Variants in ADAMTSL3 observed in about 807,000 individuals in gnomAD.
ADAMTSL3 encodes ADAMTS-like protein 3.
ADAMTSL3 carries 128 observed loss-of-function variants against 201.7 expected under a neutral mutation model. The observed-to-expected ratio is 0.63, with a 90% CI of 0.55 to 0.73. ADAMTSL3 has a LOEUF of 0.73. Among genes scored for constraint, ADAMTSL3 ranks in the 30% least tolerant of loss-of-function variants. ADAMTSL3 has a pLI of 0.00. For synonymous variants in ADAMTSL3, 738 were observed against 748.4 expected (o/e 0.99, Z 0.23); for missense variants, 1,990 against 2,119.6 (o/e 0.94, Z 1.20).
chr15:83,802,462 T>C (rs1246201023), intron 4 of ADAMTSL3, among the ~76,000 whole-genome samples: 3 of 152,162 alleles, frequency 2.0e-5, no homozygotes, highest in African/African-American at 7.2e-5. Flanking sequence ...AATATCTAGC[T>C]GGTGAATGAA....
At chr15:83,921,197 A>G (rs980861618) in intron 16 of ADAMTSL3, among the ~76,000 whole-genome samples, 7 of 152,158 alleles carry the variant, frequency 4.6e-5, no homozygotes, top group African/African-American at 1.7e-4. Flanking sequence ...TCAATTGTTT[A>G]TTATTCACTT....
chr15:83,693,604 A>T (rs2061641569), intron 2 of ADAMTSL3, among the ~76,000 whole-genome samples: 1 of 152,172 alleles, frequency 6.6e-6, no homozygotes, highest in Non-Finnish European at 1.5e-5. Context: ...TTCTTTAAGG[A>T]ACCTAGACCT....
chr15:83,867,481 T>G (rs2065001590), intron 8 of ADAMTSL3, among the ~76,000 whole-genome samples: 1 of 152,188 alleles, frequency 6.6e-6, no homozygotes, highest in African/African-American at 2.4e-5. Flanking sequence ...AGCAGTAAAC[T>G]TAAGAAGCCA....
chr15:83,673,735 A>G (rs1395057805), intron 2 of ADAMTSL3, among the ~76,000 whole-genome samples: 1 of 152,232 alleles, frequency 6.6e-6, no homozygotes. Flanking sequence ...TCTGTTTTGT[A>G]ACATAGGATT....
At chr15:83,844,763 A>C (rs1296793935) in intron 7 of ADAMTSL3, among the ~76,000 whole-genome samples, 1 of 152,192 alleles carries the variant, frequency 6.6e-6, no homozygotes, top group East Asian at 1.9e-4. Context: ...GGCCCTGTGC[A>C]TGAAGAGAGA....
intron 3 of ADAMTSL3, among the ~76,000 whole-genome samples, chr15:83,720,701 C>G (rs541664039): frequency 6.6e-6 from 1 of 152,336 alleles, no homozygotes; most frequent in East Asian, 1.9e-4. Context: ...GTATGCCCTG[C>G]TGTTGGCAGT....
rs1596230613 is a variant in ADAMTSL3 at position 83,799,049 on chromosome 15, G to A, written c.318-5601G>A. Among the ~76,000 whole-genome samples, 4 of 152,080 alleles carry A rather than the reference G, an allele frequency of 2.6e-5. No homozygotes were observed. The South Asian group carries it at 8.3e-4, about 31-fold the overall frequency. On this transcript the variant is annotated intron_variant, in intron 4 of 29. Transcript: ENST00000286744. ...CACTGTCATTTTGGAAGTACTCTGA[G>A]ATTTTTAAGAAGGAAACCTACTTCC...
At chr15:83,832,380 A>G (rs1164514510) in intron 6 of ADAMTSL3, among the ~76,000 whole-genome samples, 1 of 152,174 alleles carries the variant, frequency 6.6e-6, no homozygotes, top group East Asian at 1.9e-4. Flanking sequence ...TGCATTTTAA[A>G]TGAGTGCTTC....
At chr15:83,810,548 C>T (rs945627188) in intron 5 of ADAMTSL3, among the ~76,000 whole-genome samples, 3 of 152,176 alleles carry the variant, frequency 2.0e-5, no homozygotes, top group African/African-American at 7.2e-5. Context: ...GTTCTGAAGG[C>T]CCGAAGTCTG....
rs1337148390 is a variant in ADAMTSL3, at chr15:84,037,930, G to C, written c.*124G>C. On this transcript the variant is annotated 3_prime_UTR_variant, in exon 30 of 30. Coordinates refer to ENST00000286744, the MANE Select transcript of ADAMTSL3 (RefSeq NM_207517.3). ...ACTAGATTCTATGGATCAAACAGAG[G>C]TTGATGCAAAAACACCACTGTTAAG... 1 of 1,373,436 alleles carries C rather than the reference G, an allele frequency of 7.3e-7. No individual in the cohort carries two copies. The highest frequency in any genetic ancestry group is 9.6e-7 in the Non-Finnish European group (1 of 1,045,882). 85.1% of individuals were successfully genotyped at this position (1,373,436 alleles called of 1,614,324 possible).
intron 23 of ADAMTSL3, among the ~76,000 whole-genome samples, chr15:84,001,377 A>G (rs1331465271): frequency 1.3e-5 from 2 of 152,242 alleles, no homozygotes; most frequent in Non-Finnish European, 2.9e-5. Context: ...ATCAAAAATA[A>G]CAATAACTTG....
intron 2 of ADAMTSL3, among the ~76,000 whole-genome samples, chr15:83,700,639 T>A (rs1447702346): frequency 1.3e-5 from 2 of 152,006 alleles, no homozygotes; most frequent in Admixed American, 1.3e-4. Context: ...TGGTGGGCAC[T>A]TGTAATCCCA....
chr15:83,840,495 T>G (rs1046460616), intron 7 of ADAMTSL3, among the ~76,000 whole-genome samples: 3 of 152,198 alleles, frequency 2.0e-5, no homozygotes, highest in African/African-American at 7.2e-5. Context: ...AACAACTGGA[T>G]AGCTCTACAG....
intron 2 of ADAMTSL3, among the ~76,000 whole-genome samples, chr15:83,685,827 A>G (rs1183907452): frequency 6.6e-6 from 1 of 152,176 alleles, no homozygotes; most frequent in African/African-American, 2.4e-5. Context: ...GATGCCTGGC[A>G]TGTCATAGTC....
intron 6 of ADAMTSL3, among the ~76,000 whole-genome samples, chr15:83,829,814 A>G (rs1480297235): frequency 6.6e-6 from 1 of 152,194 alleles, no homozygotes; most frequent in Non-Finnish European, 1.5e-5. Context: ...CAGGTTGTTC[A>G]GTTTCCATGT....
chr15:83,753,406 G>C (rs2062670235), intron 3 of ADAMTSL3, among the ~76,000 whole-genome samples: 1 of 152,186 alleles, frequency 6.6e-6, no homozygotes, highest in Non-Finnish European at 1.5e-5. Flanking sequence ...CCCAGAAGGA[G>C]AGGTATGAGA....
rs764582444 is a variant in ADAMTSL3, at chr15:83,970,433, G to C, written c.2491-51G>C. The C allele has an allele frequency of 9.3e-6, 15 of 1,608,368 alleles. No homozygotes were observed. In the African/African-American group the frequency reaches 1.7e-4, roughly 19 times the overall value. The stretch of plus-strand genomic sequence containing the variant: ...TTGGAGACTTTGCTGTTGTTGGCTG[G>C]GTCTGCCTGCTCATGCTCCATTTGA... On this transcript the variant is annotated intron_variant, in intron 19 of 29. Coordinates refer to ENST00000286744, the MANE Select transcript of ADAMTSL3 (RefSeq NM_207517.3).
chr15:83,913,399 G>C (rs1370510586), intron 16 of ADAMTSL3, 21 bp downstream of exon 16: 3 of 1,608,652 alleles, frequency 1.9e-6, no homozygotes, highest in African/African-American at 2.7e-5. Flanking sequence ...CTTTGCTTAA[G>C]GGACAGTTAT....
intron 20 of ADAMTSL3, among the ~76,000 whole-genome samples, chr15:83,974,441 G>A (rs2067247851): frequency 6.6e-6 from 1 of 152,064 alleles, no homozygotes; most frequent in Non-Finnish European, 1.5e-5. Flanking sequence ...CAAAAATATT[G>A]ATTATTTTTA....
Sources: allele counts gnomAD v4.1 joint callset (sites outside exome capture counted in the v4.1 genomes callset), GRCh38; gene constraint gnomAD v4.1.1; transcripts MANE v1.5; gene names NCBI Gene and HGNC (gene_info 2026-07-23, HGNC 2026-07-21).